Variants in GRM7 observed in about 807,000 individuals in gnomAD.
GRM7 encodes glutamate metabotropic receptor 7, also known as metabotropic glutamate receptor 7.
GRM7 carries 35 observed loss-of-function variants against 84.5 expected under a neutral mutation model. That is an observed-to-expected ratio of 0.41 (90% CI 0.32 to 0.55). The LOEUF is 0.55. GRM7 is among the 20% of genes least tolerant of loss of function. The probability of loss-of-function intolerance (pLI) is 0.19; values close to 1 mark genes in which losing one functional copy is unlikely to be tolerated. For missense variants in GRM7, 1,003 were observed against 1,194.6 expected (o/e 0.84, Z 2.36); for synonymous variants, 487 against 455.1 (o/e 1.07, Z -0.89).
chr3:7,022,492 A>T (rs751801472), intron 1 of GRM7, among the ~76,000 whole-genome samples: 31 of 151,982 alleles, frequency 2.0e-4, no homozygotes, highest in Non-Finnish European at 3.2e-4. Flanking sequence ...TAGGGTGCAG[A>T]GGCCCCCTAT....
At chr3:7,720,391 C>T (rs1701904239) in intron 9 of GRM7, among the ~76,000 whole-genome samples, 1 of 152,064 alleles carries the variant, frequency 6.6e-6, no homozygotes, top group African/African-American at 2.4e-5. Context: ...TTCTTTATTT[C>T]AGATCTTCCC....
rs1458878900 is a variant in GRM7 at position 7,151,033 on chromosome 3, A to G, written c.736+4365A>G. On this transcript the variant is annotated intron_variant, in intron 2 of 9. Transcript: ENST00000357716. The surrounding 1 kb of genome is among the most constrained non-coding windows in gnomAD (Gnocchi z 4.5). The stretch of plus-strand genomic sequence containing the variant: ...TTCTCAAAACCTAAAAGATCTATCC[A>G]TTTGATATTTTACAGTGATCACTTA... Among the ~76,000 whole-genome samples the G allele has an allele frequency of 6.6e-6, 1 of 152,162 alleles. No individual in the cohort carries two copies. The highest frequency in any genetic ancestry group is 1.9e-4 in the East Asian group (1 of 5,200).
intron 1 of GRM7, among the ~76,000 whole-genome samples, chr3:7,069,608 T>C (rs769635818): frequency 1.3e-5 from 2 of 152,110 alleles, no homozygotes; most frequent in African/African-American, 2.4e-5. Flanking sequence ...TGGCCTCTTA[T>C]GATTTTTAGA....
chr3:6,944,984 C>A (rs1698011306), intron 1 of GRM7, among the ~76,000 whole-genome samples: 1 of 151,926 alleles, frequency 6.6e-6, no homozygotes, highest in African/African-American at 2.4e-5. Flanking sequence ...AGTTATGTTG[C>A]CTCTCTCATT....
At chr3:7,455,507 A>G (rs1697971391) in intron 6 of GRM7, among the ~76,000 whole-genome samples, 1 of 152,204 alleles carries the variant, frequency 6.6e-6, no homozygotes, top group Non-Finnish European at 1.5e-5. Context: ...GCCTTTTGAT[A>G]TGATACACTG....
intron 8 of GRM7, among the ~76,000 whole-genome samples, chr3:7,644,293 C>A (rs1698522555): frequency 1.3e-5 from 2 of 150,080 alleles, no homozygotes; most frequent in African/African-American, 4.9e-5. Flanking sequence ...GTGTGATTAA[C>A]AAGATGCCAA....
At chr3:7,333,779 C>T (rs911687749) in intron 4 of GRM7, among the ~76,000 whole-genome samples, 8 of 151,570 alleles carry the variant, frequency 5.3e-5, no homozygotes, top group African/African-American at 1.9e-4. Flanking sequence ...ACAATCAAAA[C>T]TTCTGGAAAA....
intron 7 of GRM7, among the ~76,000 whole-genome samples, chr3:7,545,585 C>T (rs751773439): frequency 7.2e-5 from 11 of 152,114 alleles, no homozygotes; most frequent in Non-Finnish European, 1.5e-4. Context: ...GATAAGAATC[C>T]TATTACTTTG....
chr3:6,871,952 C>T (rs1461881554), intron 1 of GRM7, among the ~76,000 whole-genome samples: 1 of 152,012 alleles, frequency 6.6e-6, no homozygotes, highest in Non-Finnish European at 1.5e-5. Flanking sequence ...ACCATTGAGG[C>T]ATCCTAGCTC....
At chr3:7,674,783 C>T (rs9826181) in intron 8 of GRM7, among the ~76,000 whole-genome samples, 15,217 of 152,210 alleles carry the variant, frequency 0.1, 1,219 homozygotes, top group African/African-American at 0.22. Flanking sequence ...ACAGCACATA[C>T]GCCAGTCCAG....
chr3:7,451,518 C>T (rs1358810909), intron 5 of GRM7, among the ~76,000 whole-genome samples: 1 of 152,054 alleles, frequency 6.6e-6, no homozygotes, highest in Non-Finnish European at 1.5e-5. Flanking sequence ...AATAGTCACA[C>T]CTATCTGGAA....
intron 7 of GRM7, among the ~76,000 whole-genome samples, chr3:7,491,767 G>T (rs1699526228): frequency 6.6e-6 from 1 of 152,294 alleles, no homozygotes; most frequent in East Asian, 1.9e-4. Context: ...AAGACAATAG[G>T]AAGGATTAAA....
intron 1 of GRM7, among the ~76,000 whole-genome samples, chr3:6,940,563 G>C (rs1697856051): frequency 6.6e-6 from 1 of 151,788 alleles, no homozygotes; most frequent in African/African-American, 2.4e-5. Flanking sequence ...TACAACCATT[G>C]AGAAATTTAC....
intron 1 of GRM7, among the ~76,000 whole-genome samples, chr3:6,972,284 A>C (rs1693787140): frequency 6.6e-6 from 1 of 152,134 alleles, no homozygotes; most frequent in Non-Finnish European, 1.5e-5. Flanking sequence ...ATTTTCTCTG[A>C]GTTAGATTTT....
At chr3:7,015,472 GTAAA>G (rs1695530753) in intron 1 of GRM7, among the ~76,000 whole-genome samples, 1 of 152,218 alleles carries the variant, frequency 6.6e-6, no homozygotes. Flanking sequence ...ACACAGATAA[GTAAA>G]TAACGCACTA....
At chr3:6,881,125 C>T (rs1695491889) in intron 1 of GRM7, among the ~76,000 whole-genome samples, 1 of 151,972 alleles carries the variant, frequency 6.6e-6, no homozygotes, top group Non-Finnish European at 1.5e-5. Flanking sequence ...AATACACATT[C>T]TTTTTTTCTT....
At chr3:7,085,860 A>G (rs1698439461) in intron 1 of GRM7, among the ~76,000 whole-genome samples, 1 of 152,194 alleles carries the variant, frequency 6.6e-6, no homozygotes, top group African/African-American at 2.4e-5. Context: ...GGGCTGTTCA[A>G]ACCCAATAGA....
chr3:7,489,792 T>A (rs965656543), intron 7 of GRM7, among the ~76,000 whole-genome samples: 5 of 152,094 alleles, frequency 3.3e-5, no homozygotes, highest in African/African-American at 1.2e-4. Context: ...TAAGCTTTAC[T>A]TAAAGTTATA....
At chr3:7,406,952 T>C (rs533998284) in intron 4 of GRM7, among the ~76,000 whole-genome samples, 35 of 152,260 alleles carry the variant, frequency 2.3e-4, no homozygotes, top group African/African-American at 8.4e-4. Flanking sequence ...GGAAAAAAGA[T>C]ATAAAAATAT....
Sources: gnomAD v4.1 joint callset for allele counts (sites outside exome capture counted in the v4.1 genomes callset) on GRCh38, gnomAD v4.1.1 for gene constraint, Gnocchi (gnomAD v3.1) non-coding constraint, MANE v1.5 for transcripts, NCBI Gene and HGNC (gene_info 2026-07-23, HGNC 2026-07-21) for gene names.